The following THADA variants were observed in gnomAD, a reference collection of about 807,000 sequenced individuals.
THADA encodes tRNA (32-2'-O)-methyltransferase regulator THADA.
Under a neutral mutation model 219.8 loss-of-function variants are expected in THADA, and 213 were observed. The observed-to-expected ratio is 0.97, with a 90% CI of 0.87 to 1.09. THADA has a LOEUF of 1.09. Among genes scored for constraint, THADA ranks in the 50% least tolerant of loss-of-function variants. THADA has a pLI of 0.00. For missense variants in THADA, 2,956 were observed against 2,311.3 expected, an observed-to-expected ratio of 1.28 and a Z score of -5.72; for synonymous variants, 1,018 against 828.9, an observed-to-expected ratio of 1.23 and a Z score of -3.92.
intron 1 of THADA, among the ~76,000 whole-genome samples, chr2:43,594,328 C>A (rs1295387925): frequency 6.6e-6 from 1 of 152,072 alleles, no homozygotes; most frequent in African/African-American, 2.4e-5. Flanking sequence ...GCCTGTAATC[C>A]CAGCACTTTG....
chr2:43,579,898 T>C (rs189407784), intron 8 of THADA, among the ~76,000 whole-genome samples: 1 of 152,264 alleles, frequency 6.6e-6, no homozygotes, highest in East Asian at 1.9e-4. Context: ...GAACTTGTTA[T>C]GTGGGAAAGG....
chr2:43,398,247 G>T, intron 28 of THADA, 108 bp from the exon 29 acceptor site: 1 of 1,187,128 alleles, frequency 8.4e-7, no homozygotes, highest in Non-Finnish European at 1.2e-6. Flanking sequence ...AGGGGTTAGG[G>T]GGAGACAGGA....
intron 20 of THADA, among the ~76,000 whole-genome samples, chr2:43,543,533 C>T (rs1393190984): frequency 6.6e-6 from 1 of 150,988 alleles, no homozygotes. Flanking sequence ...CTCTCCAGCA[C>T]CTGTTGTTTC....
At chr2:43,323,291 G>A (rs956179275) in intron 30 of THADA, among the ~76,000 whole-genome samples, 3 of 152,136 alleles carry the variant, frequency 2.0e-5, no homozygotes, top group Non-Finnish European at 2.9e-5. Flanking sequence ...ACAGGTGCAT[G>A]CCACCACATC....
rs184672393 is a variant in THADA, at chr2:43,476,478, T to C, written c.3836+8756A>G. On this transcript the variant is annotated intron_variant, in intron 26 of 37. Coordinates refer to ENST00000405975, the MANE Select transcript of THADA (RefSeq NM_022065.5). ...AATCCTCTTTAAAATTTCCTGGTTA[T>C]ATATGGGATAGTAAGTTGTCTGTAT... is the stretch of plus-strand genomic sequence containing the variant. Among the ~76,000 whole-genome samples, 350 of 152,308 alleles carry C rather than the reference T, an allele frequency of 2.3e-3. 2 individuals are homozygous for C. The highest frequency in any genetic ancestry group is 4.1e-3 in the Non-Finnish European group (277 of 68,018).
At chr2:43,525,201 A>G (rs1029172796) in intron 22 of THADA, among the ~76,000 whole-genome samples, 1 of 152,164 alleles carries the variant, frequency 6.6e-6, no homozygotes, top group African/African-American at 2.4e-5. Context: ...GGTGACCAAG[A>G]CTTAGAATCA....
At chr2:43,337,119 C>T (rs529399531) in intron 30 of THADA, among the ~76,000 whole-genome samples, 1 of 152,350 alleles carries the variant, frequency 6.6e-6, no homozygotes, top group East Asian at 1.9e-4. Flanking sequence ...GCCAATCTGA[C>T]CCGAATGCAC....
At chr2:43,440,211 T>A (rs1680672800) in intron 26 of THADA, among the ~76,000 whole-genome samples, 1 of 152,214 alleles carries the variant, frequency 6.6e-6, no homozygotes, top group Non-Finnish European at 1.5e-5. Context: ...TATACACTTT[T>A]CTGCACCTTG....
intron 30 of THADA, among the ~76,000 whole-genome samples, chr2:43,326,381 G>C (rs1679338749): frequency 6.6e-6 from 1 of 152,198 alleles, no homozygotes; most frequent in Non-Finnish European, 1.5e-5. Flanking sequence ...CATGTCCAAA[G>C]ACTTGGGGAC....
chr2:43,507,234 G>A (rs769802617), intron 23 of THADA, among the ~76,000 whole-genome samples: 3 of 152,124 alleles, frequency 2.0e-5, no homozygotes, highest in African/African-American at 7.2e-5. Context: ...GGGAACCACG[G>A]CTTTTTTCTC....
intron 36 of THADA, among the ~76,000 whole-genome samples, chr2:43,254,017 T>G (rs991917920): frequency 3.9e-5 from 6 of 151,920 alleles, no homozygotes; most frequent in Non-Finnish European, 8.8e-5. Flanking sequence ...GTGGTTTGGG[T>G]GGGGCTAACC....
intron 10 of THADA, 73 bp from the exon 11 acceptor site, chr2:43,575,100 G>A (rs1163272545): frequency 2.6e-6 from 3 of 1,152,628 alleles, no homozygotes; most frequent in Non-Finnish European, 3.6e-6. Flanking sequence ...TAACAATTTA[G>A]ACTTTAAAAA....
intron 34 of THADA, among the ~76,000 whole-genome samples, chr2:43,289,239 T>C (rs1171857879): frequency 6.6e-6 from 1 of 152,254 alleles, no homozygotes; most frequent in Non-Finnish European, 1.5e-5. Flanking sequence ...TGGATTGTTT[T>C]CATCATTTAA....
intron 34 of THADA, among the ~76,000 whole-genome samples, chr2:43,289,054 G>T (rs548907199): frequency 1.3e-5 from 2 of 152,246 alleles, no homozygotes; most frequent in African/African-American, 4.8e-5. Context: ...TCCTATAAAT[G>T]GAATCAGATA....
rs1425624461 is a variant in THADA at position 43,403,043 on chromosome 2, T to G, written c.4059-4904A>C. Among the ~76,000 whole-genome samples the G allele has an allele frequency of 2.0e-5, 3 of 152,242 alleles. No individual in the cohort carries two copies. In the South Asian group the frequency reaches 6.2e-4, roughly 32 times the overall value. On this transcript the variant is annotated intron_variant, in intron 28 of 37. Transcript: ENST00000405975. ...TGTGCTTTTGATACACTATTTTAAT[T>G]ATTTCATTAATCTTCATTCCAAGGT...
chr2:43,568,694 A>G (rs1476787209), intron 14 of THADA, among the ~76,000 whole-genome samples: 1 of 152,222 alleles, frequency 6.6e-6, no homozygotes, highest in Non-Finnish European at 1.5e-5. Context: ...AAATCTACCA[A>G]TGATCTAAGA....
At chr2:43,589,966 G>C (rs1345278623) in intron 4 of THADA, among the ~76,000 whole-genome samples, 2 of 152,032 alleles carry the variant, frequency 1.3e-5, no homozygotes, top group Non-Finnish European at 2.9e-5. Context: ...GAAAAAACAA[G>C]CTACAGAGCA....
intron 29 of THADA, among the ~76,000 whole-genome samples, chr2:43,388,515 A>G (rs1672969301): frequency 6.6e-6 from 1 of 152,184 alleles, no homozygotes; most frequent in Admixed American, 6.5e-5. Flanking sequence ...TTCCCATGAT[A>G]AAAGAGTCCT....
intron 28 of THADA, among the ~76,000 whole-genome samples, chr2:43,415,641 G>A (rs560247015): frequency 6.6e-6 from 1 of 152,096 alleles, no homozygotes; most frequent in Non-Finnish European, 1.5e-5. Context: ...ACAAAATCTA[G>A]AGCCTGGGGC....
Sources: gnomAD v4.1 joint callset for allele counts (sites outside exome capture counted in the v4.1 genomes callset) on GRCh38, gnomAD v4.1.1 for gene constraint, MANE v1.5 for transcripts, NCBI Gene and HGNC (gene_info 2026-07-23, HGNC 2026-07-21) for gene names.